GGACT: variants seen among roughly 807,000 people sequenced by gnomAD.
GGACT encodes gamma-glutamylamine cyclotransferase, also known as gamma-glutamylaminecyclotransferase.
For missense variants in GGACT, 241 were observed against 233.2 expected, an observed-to-expected ratio of 1.03 and a Z score of -0.22; for synonymous variants, 118 against 115.3, an observed-to-expected ratio of 1.02 and a Z score of -0.15.
chr13:100,564,838 G>A (rs1047391276), intron 2 of GGACT, among the ~76,000 whole-genome samples: 1 of 152,182 alleles, frequency 6.6e-6, no homozygotes, highest in Non-Finnish European at 1.5e-5. Flanking sequence ...CGGGGGGGCT[G>A]GGCCTGAACC....
intron 2 of GGACT, among the ~76,000 whole-genome samples, chr13:100,542,752 C>T (rs2088566605): frequency 6.6e-6 from 1 of 152,152 alleles, no homozygotes; most frequent in Non-Finnish European, 1.5e-5. Context: ...GTGGAACAGG[C>T]TCAGAGAGTC....
chr13:100,579,514 TC>T (rs1434877202), intron 2 of GGACT, among the ~76,000 whole-genome samples: 3 of 152,080 alleles, frequency 2.0e-5, no homozygotes, highest in Non-Finnish European at 4.4e-5. Flanking sequence ...TCTCTAGCCT[TC>T]CCCATGCCTT....
intron 2 of GGACT, among the ~76,000 whole-genome samples, chr13:100,569,474 C>T (rs1875013990): frequency 1.3e-5 from 2 of 152,226 alleles, no homozygotes; most frequent in African/African-American, 4.8e-5. Context: ...GCTGGAGCTG[C>T]AGCAACTGGG....
In GGACT at chr13:100,532,307, TACCCGCAGC is replaced by T; in HGVS notation, c.276_284del (p.Leu93_Val95del). 1 of 1,545,574 alleles carries T rather than the reference TACCCGCAGC, an allele frequency of 6.5e-7. No individual in the cohort carries two copies. The highest frequency in any genetic ancestry group is 8.7e-7 in the Non-Finnish European group (1 of 1,142,918). On this transcript the variant is annotated inframe_deletion, in exon 3 of 3. Coordinates refer to ENST00000683975, the MANE Select transcript of GGACT (RefSeq NM_001195087.2). ...CCGGGGCCCGGTCCTCCAGCAGCTG[TACCCGCAGC>T]ACCGTGCGCTGGTACAGGGCCGGGC... is the stretch of plus-strand genomic sequence containing the variant.
At chr13:100,572,235 A>G (rs1051990349) in intron 2 of GGACT, among the ~76,000 whole-genome samples, 1 of 152,222 alleles carries the variant, frequency 6.6e-6, no homozygotes, top group Non-Finnish European at 1.5e-5. Context: ...GGAAATTCTG[A>G]CCCATCCTAC....
rs541889200 is a variant in GGACT, at chr13:100,532,526, G to A, written c.66C>T (p.Asp22=). The change falls in exon 3 of 3, where the codon GAC becomes GAT. Residue 22 remains aspartate, a synonymous_variant. Coordinates refer to ENST00000683975, the MANE Select transcript of GGACT (RefSeq NM_001195087.2). ...RGQPNHRVLR[D]GAHGSAAFRA... ...GAAAGGCTGCGGAGCCGTGGGCGCC[G>A]TCCCGCAGGACCCTGTGGTTGGGCT... is the stretch of plus-strand genomic sequence containing the variant. 109 of 1,548,226 alleles carry A rather than the reference G, an allele frequency of 7.0e-5. 1 individual carries two copies. The African/African-American group carries it at 1.1e-3, about 15-fold the overall frequency.
intron 2 of GGACT, 59 bp from the exon 3 acceptor site, chr13:100,532,660 G>T: frequency 7.3e-7 from 1 of 1,365,050 alleles, no homozygotes; most frequent in Non-Finnish European, 9.9e-7. Flanking sequence ...GTCTGCACCT[G>T]GGACGTGGCT....
chr13:100,578,110 G>A (rs1875307204), intron 2 of GGACT, among the ~76,000 whole-genome samples: 3 of 152,124 alleles, frequency 2.0e-5, no homozygotes, highest in Non-Finnish European at 2.9e-5. Flanking sequence ...TTGATAAGGC[G>A]ATACTGGCAT....
intron 2 of GGACT, among the ~76,000 whole-genome samples, chr13:100,544,496 A>C (rs1566530742): frequency 6.6e-6 from 1 of 152,210 alleles, no homozygotes; most frequent in Non-Finnish European, 1.5e-5. Context: ...CATACCCCGG[A>C]AAAGTCCCTG....
At chr13:100,549,566 C>T (rs925028936) in intron 2 of GGACT, among the ~76,000 whole-genome samples, 9 of 152,354 alleles carry the variant, frequency 5.9e-5, no homozygotes, top group South Asian at 4.1e-4. Flanking sequence ...CTTGTGCCAG[C>T]GGCAGGGAGC....
At chr13:100,555,593 G>A (rs959275073) in intron 2 of GGACT, among the ~76,000 whole-genome samples, 3 of 151,946 alleles carry the variant, frequency 2.0e-5, no homozygotes, top group Non-Finnish European at 4.4e-5. Flanking sequence ...CTAGCACTTT[G>A]GGAGACAGAG....
chr13:100,563,506 A>C (rs1040356787), intron 2 of GGACT, among the ~76,000 whole-genome samples: 1 of 152,172 alleles, frequency 6.6e-6, no homozygotes, highest in African/African-American at 2.4e-5. Context: ...TCTAAATTAA[A>C]AGTAAATAAA....
Position 100,530,695 on chromosome 13 carries a change from T to C in GGACT, c.*1435A>G. On this transcript the variant is annotated 3_prime_UTR_variant, in exon 3 of 3. Coordinates refer to ENST00000683975, the MANE Select transcript of GGACT (RefSeq NM_001195087.2). ...AGACTGCAAATGCAGATTTTGGCAA[T>C]CCCTTTCCTGCTGTGTCTCTATGTG... is the stretch of plus-strand genomic sequence containing the variant. 1 of 221,524 alleles carries C rather than the reference T, an allele frequency of 4.5e-6. No homozygotes were observed. Among genetic ancestry groups the C allele is most frequent in the Non-Finnish European group, 9.0e-6 (1 of 111,446 alleles). 13.7% of individuals were successfully genotyped at this position (221,524 alleles called of 1,614,324 possible). A position where few individuals can be genotyped will look rare whatever the true frequency, so the allele number is the denominator to read the frequency against.
At chr13:100,556,963 C>T (rs561257760) in intron 2 of GGACT, among the ~76,000 whole-genome samples, 2 of 152,082 alleles carry the variant, frequency 1.3e-5, no homozygotes, top group Non-Finnish European at 2.9e-5. Flanking sequence ...AATCTTGGCT[C>T]ACTGCAACCT....
chr13:100,577,416 C>CAAA lies in GGACT; in HGVS notation c.-11+6406_-11+6408dup, dbSNP rs1246035632. Among the ~76,000 whole-genome samples, 213 of 30,136 alleles carry CAAA rather than the reference C, an allele frequency of 7.1e-3. 1 individual carries two copies. Among genetic ancestry groups the CAAA allele is most frequent in the Middle Eastern group, 0.026 (1 of 38 alleles). 19.8% of individuals were successfully genotyped at this position (30,136 alleles called of 152,430 possible). ...GGGTGACAAGAGCGAGACTCCATCT[C>CAAA]AAAAATAAATAAATAAATAAATAAA... is the stretch of plus-strand genomic sequence containing the variant. On this transcript the variant is annotated intron_variant, in intron 2 of 2. Coordinates refer to ENST00000683975, the MANE Select transcript of GGACT (RefSeq NM_001195087.2).
chr13:100,553,998 G>C (rs561367414), intron 2 of GGACT, among the ~76,000 whole-genome samples: 1 of 152,162 alleles, frequency 6.6e-6, no homozygotes, highest in East Asian at 1.9e-4. Context: ...TAACAGTAGA[G>C]GACAGATTTT....
rs531363768 is a variant in GGACT at position 100,532,415 on chromosome 13, C to T, written c.177G>A (p.Ser59=). The change falls in exon 3 of 3, where the codon TCG becomes TCA. Residue 59 remains serine (S), a synonymous_variant. Coordinates refer to ENST00000683975, the MANE Select transcript of GGACT (RefSeq NM_001195087.2). ...AGACCTCGCCCTCCACGAGGCGCCC[C>T]GAGCCGGGCAGGTGCAGCAGCCACG... ...NIPWLLHLPG[S]GRLVEGEVYA... The T allele has an allele frequency of 1.8e-3, 2,824 of 1,550,102 alleles. 6 individuals are homozygous for T. The highest frequency in any genetic ancestry group is 4.0e-3 in the Admixed American group (202 of 50,990).
chr13:100,549,383 G>C (rs1417558719), intron 2 of GGACT, among the ~76,000 whole-genome samples: 1 of 152,204 alleles, frequency 6.6e-6, no homozygotes, highest in Non-Finnish European at 1.5e-5. Context: ...CTACCTGCTC[G>C]TCTGTCCACT....
chr13:100,581,081 G>T (rs141293996), intron 2 of GGACT, among the ~76,000 whole-genome samples: 4 of 152,326 alleles, frequency 2.6e-5, no homozygotes, highest in Non-Finnish European at 4.4e-5. Flanking sequence ...CACCAGTGTG[G>T]ACTCACAGAA....
Sources: allele counts gnomAD v4.1 joint callset (sites outside exome capture counted in the v4.1 genomes callset), GRCh38; gene constraint gnomAD v4.1.1; transcripts MANE v1.5; gene names NCBI Gene and HGNC (gene_info 2026-07-23, HGNC 2026-07-21).